AIG1: variants seen among roughly 807,000 people sequenced by gnomAD.
The protein encoded by AIG1 is androgen induced 1, also known as androgen-induced gene 1 protein.
Under a neutral mutation model 31.4 loss-of-function variants are expected in AIG1, and 23 were observed. The ratio of observed to expected loss-of-function variants is 0.73; its 90% CI spans 0.53 to 1.04. The LOEUF is 1.04. Ranked by LOEUF, AIG1 falls within the 50% of genes least tolerant of loss-of-function variation. The probability of loss-of-function intolerance (pLI) is 0.00; values close to 1 mark genes in which losing one functional copy is unlikely to be tolerated. For synonymous variants in AIG1, 100 were observed against 110.5 expected (o/e 0.90, Z 0.60); for missense variants, 274 against 295.0 (o/e 0.93, Z 0.52).
At chr6:143,133,064 A>G (rs1783400939) in intron 1 of AIG1, among the ~76,000 whole-genome samples, 1 of 152,052 alleles carries the variant, frequency 6.6e-6, no homozygotes, top group South Asian at 2.1e-4. Flanking sequence ...ATTTTGGTTA[A>G]GGATATTTTT....
In AIG1 at chr6:143,103,583, C is replaced by G. The variant is rs1780517418; in HGVS notation, c.142-33252C>G. On this transcript the variant is annotated intron_variant, in intron 1 of 5. Transcript: ENST00000357847. ...AGTGCAGTGGCGGGATCTCGGCTCA[C>G]TGCAAGCTCCGCCTCCCGGGTTCAC... 2.1e-5 allele frequency among the ~76,000 whole-genome samples: 3 copies of G among 143,774 alleles called. No homozygotes were observed. The Admixed American group carries it at 2.1e-4, about 10-fold the overall frequency. 94.3% of individuals were successfully genotyped at this position (143,774 alleles called of 152,430 possible). A position where few individuals can be genotyped will look rare whatever the true frequency, so the allele number is the denominator to read the frequency against.
intron 1 of AIG1, among the ~76,000 whole-genome samples, chr6:143,095,340 G>T (rs1239614824): frequency 6.6e-6 from 1 of 152,094 alleles, no homozygotes; most frequent in Non-Finnish European, 1.5e-5. Flanking sequence ...AAAGACTACT[G>T]TATGAATTGA....
rs1378738014 is a variant in AIG1 at position 143,298,511 on chromosome 6, A to G, written c.515+14286A>G. 1.3e-5 allele frequency among the ~76,000 whole-genome samples: 2 copies of G among 152,252 alleles called. No homozygotes were observed. The highest frequency in any genetic ancestry group is 2.9e-5 in the Non-Finnish European group (2 of 68,048). On this transcript the variant is annotated intron_variant, in intron 4 of 5. Coordinates refer to ENST00000357847, the MANE Select transcript of AIG1 (RefSeq NM_016108.4). This position sits in a 1 kb window ranked among gnomAD's most constrained non-coding sequence, Gnocchi z 5.1. ...TTTTAAAAAGGCATCTTCCAAGTAG[A>G]TAAGTCTAATATAAGATGCTATCCA...
intron 4 of AIG1, among the ~76,000 whole-genome samples, chr6:143,305,275 T>G (rs546203821): frequency 6.6e-6 from 1 of 152,328 alleles, no homozygotes; most frequent in South Asian, 2.1e-4. Context: ...AGCTTTTGAA[T>G]GTGTTTGCTC....
At chr6:143,173,141 C>T (rs909975043) in intron 3 of AIG1, among the ~76,000 whole-genome samples, 3 of 152,138 alleles carry the variant, frequency 2.0e-5, no homozygotes, top group Admixed American at 1.3e-4. Flanking sequence ...CTGCAACCTC[C>T]GCCTCCTGGG....
chr6:143,165,435 T>C lies in AIG1; in HGVS notation c.399+252T>C, dbSNP rs1156321327. On this transcript the variant is annotated intron_variant, in intron 3 of 5. Transcript: ENST00000357847. ...CAGATTATTAAGGTTGGTGTGTCAGTGGTGTTAAATAATATAATTAGCCAA... is the reference window on the plus strand; with the variant it reads ...CAGATTATTAAGGTTGGTGTGTCAGCGGTGTTAAATAATATAATTAGCCAA... Among the ~76,000 whole-genome samples, 27 of 152,178 alleles carry C rather than the reference T, an allele frequency of 1.8e-4. 1 individual carries two copies. The highest frequency in any genetic ancestry group is 1.6e-3 in the Admixed American group (24 of 15,272).
At chr6:143,259,500 G>GT (rs1461599441) in intron 3 of AIG1, among the ~76,000 whole-genome samples, 1 of 152,048 alleles carries the variant, frequency 6.6e-6, no homozygotes, top group Non-Finnish European at 1.5e-5. Context: ...GTCCTTCAAG[G>GT]TTTTTTCTTG....
intron 1 of AIG1, among the ~76,000 whole-genome samples, chr6:143,134,791 A>G (rs1783587613): frequency 6.6e-6 from 1 of 152,084 alleles, no homozygotes; most frequent in South Asian, 2.1e-4. Context: ...GTTCAGCACA[A>G]TATTTAATAA....
intron 1 of AIG1, among the ~76,000 whole-genome samples, chr6:143,088,358 C>T (rs983302142): frequency 2.0e-5 from 3 of 151,988 alleles, no homozygotes; most frequent in Non-Finnish European, 4.4e-5. Context: ...AAAATATACT[C>T]TTCTAAACTA....
At chr6:143,318,628 A>G (rs1256755148) in intron 4 of AIG1, among the ~76,000 whole-genome samples, 3 of 151,956 alleles carry the variant, frequency 2.0e-5, no homozygotes, top group Non-Finnish European at 2.9e-5. Context: ...AAAGATAAAT[A>G]GATGAAACTT....
chr6:143,095,939 ACT>A (rs1344738795), intron 1 of AIG1, among the ~76,000 whole-genome samples: 2 of 120,902 alleles, frequency 1.7e-5, no homozygotes, highest in East Asian at 4.5e-4. Flanking sequence ...ATGGAGTCTC[ACT>A]CTGTCACCAG....
chr6:143,154,859 T>G (rs776717581), intron 2 of AIG1, among the ~76,000 whole-genome samples: 1 of 152,162 alleles, frequency 6.6e-6, no homozygotes, highest in Non-Finnish European at 1.5e-5. Flanking sequence ...TGTTCTGTTT[T>G]GTTTTTGAGA....
At chr6:143,207,117 C>T (rs2128611734) in intron 3 of AIG1, among the ~76,000 whole-genome samples, 1 of 152,220 alleles carries the variant, frequency 6.6e-6, no homozygotes, top group African/African-American at 2.4e-5. Context: ...AGTTGTATCA[C>T]ACCCTCCAGA....
At chr6:143,187,292 A>T in intron 3 of AIG1, 1 of 1,020,918 alleles carries the variant, frequency 9.8e-7, no homozygotes, top group Non-Finnish European at 1.5e-6. Context: ...TGAGAATTTG[A>T]CTGCTAATAT....
At chr6:143,179,740 T>C (rs1788545210) in intron 3 of AIG1, among the ~76,000 whole-genome samples, 2 of 152,212 alleles carry the variant, frequency 1.3e-5, no homozygotes, top group Admixed American at 1.3e-4. Flanking sequence ...TAACGCAATC[T>C]TTTTGTATAA....
At chr6:143,237,722 G>C (rs1793915155) in intron 3 of AIG1, among the ~76,000 whole-genome samples, 1 of 152,158 alleles carries the variant, frequency 6.6e-6, no homozygotes, top group Non-Finnish European at 1.5e-5. Context: ...TGTAGGAGAA[G>C]AGAAAAGAGC....
chr6:143,304,748 G>C (rs1799120152), intron 4 of AIG1, among the ~76,000 whole-genome samples: 2 of 151,800 alleles, frequency 1.3e-5, no homozygotes, highest in South Asian at 4.2e-4. Context: ...CATAAAATGA[G>C]TTAGGGAGGA....
intron 2 of AIG1, 131 bp from the exon 3 acceptor site, chr6:143,164,951 G>T: frequency 1.5e-6 from 1 of 652,786 alleles, no homozygotes; most frequent in South Asian, 2.0e-5. Context: ...CCAATCATTA[G>T]CTGGTTTACT....
At position 143,279,650 on chromosome 6, in the gene AIG1, C is replaced by T. The variant is rs1017373593; in HGVS notation, c.400-4460C>T. On this transcript the variant is annotated intron_variant, in intron 3 of 5. Transcript: ENST00000357847. The surrounding 1 kb of genome is among the most constrained non-coding windows in gnomAD (Gnocchi z 5.4). Reference sequence around the variant, plus strand: ...TTGTCACGGGAGGCTGGTCAGTTCACAGCCTCCATGGCAGTGGAGTCAGTT... The same window carrying T: ...TTGTCACGGGAGGCTGGTCAGTTCATAGCCTCCATGGCAGTGGAGTCAGTT... Among the ~76,000 whole-genome samples, 2 of 152,156 alleles carry T rather than the reference C, an allele frequency of 1.3e-5. No individual in the cohort carries two copies. Among genetic ancestry groups the T allele is most frequent in the Admixed American group, 6.5e-5 (1 of 15,278 alleles).
Sources: gnomAD v4.1 joint callset for allele counts (sites outside exome capture counted in the v4.1 genomes callset) on GRCh38, gnomAD v4.1.1 for gene constraint, Gnocchi (gnomAD v3.1) non-coding constraint, MANE v1.5 for transcripts, NCBI Gene and HGNC (gene_info 2026-07-23, HGNC 2026-07-21) for gene names.